Variants in GSE1 observed in about 807,000 individuals in gnomAD.
The protein encoded by GSE1 is Gse1 coiled-coil protein.
Under a neutral mutation model 112.6 loss-of-function variants are expected in GSE1, and 32 were observed. The observed-to-expected ratio is 0.28, with a 90% CI of 0.21 to 0.38. The LOEUF (loss-of-function observed/expected upper bound fraction) is 0.38. Among genes scored for constraint, GSE1 ranks in the 10% least tolerant of loss-of-function variants. The pLI is 1.00. For missense variants in GSE1, 2,348 were observed against 1,699.2 expected (o/e 1.38, Z -6.71); for synonymous variants, 1,115 against 735.6 (o/e 1.52, Z -8.35).
intron 2 of GSE1, among the ~76,000 whole-genome samples, chr16:85,485,396 T>TGTC (rs2050801219): frequency 1.3e-5 from 2 of 152,198 alleles, no homozygotes; most frequent in South Asian, 4.1e-4. Context: ...TGGGGAGCCC[T>TGTC]GTCCTCCTCC....
chr16:85,319,857 C>T (rs1024072507), intron 1 of GSE1, among the ~76,000 whole-genome samples: 1 of 152,154 alleles, frequency 6.6e-6, no homozygotes, highest in Non-Finnish European at 1.5e-5. Flanking sequence ...ACTGAAGTGC[C>T]GTTTGAGGCA....
At chr16:85,457,945 T>C (rs1196478967) in intron 2 of GSE1, among the ~76,000 whole-genome samples, 2 of 152,218 alleles carry the variant, frequency 1.3e-5, no homozygotes, top group African/African-American at 4.8e-5. Flanking sequence ...GTGTGTAATT[T>C]TCATACCTTC....
intron 1 of GSE1, among the ~76,000 whole-genome samples, chr16:85,221,917 G>A (rs75369628): frequency 0.011 from 1,715 of 152,246 alleles, 39 homozygotes; most frequent in African/African-American, 0.04. Context: ...ATCTGAGGGA[G>A]TTGACTCAGC....
chr16:85,181,458 C>T (rs535162531), intron 1 of GSE1, among the ~76,000 whole-genome samples: 6 of 152,296 alleles, frequency 3.9e-5, no homozygotes, highest in South Asian at 2.1e-4. Context: ...TTCTGGGAGG[C>T]GATGCAGCCC....
chr16:85,361,392 A>AACACACAG (rs2047078246), intron 2 of GSE1, among the ~76,000 whole-genome samples: 1 of 147,336 alleles, frequency 6.8e-6, no homozygotes, highest in Admixed American at 6.8e-5. Flanking sequence ...CCCACACACA[A>AACACACAG]ACACACAGAC....
chr16:85,308,057 G>T (rs1175875342), intron 1 of GSE1, among the ~76,000 whole-genome samples: 1 of 152,202 alleles, frequency 6.6e-6, no homozygotes, highest in African/African-American at 2.4e-5. Context: ...CACCAGGCAG[G>T]AGGGAGGTCA....
intron 2 of GSE1, among the ~76,000 whole-genome samples, chr16:85,363,932 G>T (rs1239195284): frequency 1.3e-5 from 2 of 152,224 alleles, no homozygotes; most frequent in Non-Finnish European, 2.9e-5. Flanking sequence ...GATCACCATG[G>T]CAGGGGCTTA....
chr16:85,621,294 C>A (rs2048726544), intron 1 of GSE1, among the ~76,000 whole-genome samples: 1 of 152,180 alleles, frequency 6.6e-6, no homozygotes, highest in Non-Finnish European at 1.5e-5. Context: ...TTTAGATGGT[C>A]TTGGCCTTGG....
At chr16:85,544,671 C>T (rs1486738901) in intron 2 of GSE1, among the ~76,000 whole-genome samples, 2 of 152,212 alleles carry the variant, frequency 1.3e-5, no homozygotes, top group Non-Finnish European at 2.9e-5. Flanking sequence ...CAGTTAGGCC[C>T]AGGAGGAGAC....
chr16:85,276,692 C>T (rs781535782), intron 1 of GSE1, among the ~76,000 whole-genome samples: 10 of 152,158 alleles, frequency 6.6e-5, no homozygotes, highest in South Asian at 2.1e-4. Flanking sequence ...GGACCCACCA[C>T]GCTGCTCTCA....
intron 1 of GSE1, among the ~76,000 whole-genome samples, chr16:85,230,343 G>A (rs544893088): frequency 6.6e-6 from 1 of 152,128 alleles, no homozygotes; most frequent in Non-Finnish European, 1.5e-5. Flanking sequence ...CTTCTAGAAG[G>A]TTCTAAATCA....
intron 1 of GSE1, among the ~76,000 whole-genome samples, chr16:85,202,700 T>C (rs1401077951): frequency 6.6e-6 from 1 of 152,174 alleles, no homozygotes; most frequent in African/African-American, 2.4e-5. Context: ...GGAGGGGCCC[T>C]GGGGGGCCTC....
intron 1 of GSE1, among the ~76,000 whole-genome samples, chr16:85,227,494 C>T (rs142800158): frequency 3.3e-5 from 5 of 152,282 alleles, no homozygotes; most frequent in African/African-American, 7.2e-5. Flanking sequence ...AGATAAAGGG[C>T]GATCCAGGTA....
At chr16:85,183,972 C>A (rs866234874) in intron 1 of GSE1, among the ~76,000 whole-genome samples, 2 of 152,180 alleles carry the variant, frequency 1.3e-5, no homozygotes, top group African/African-American at 4.8e-5. Flanking sequence ...AGTAAAAACT[C>A]GGTAATTGTT....
At chr16:85,371,355 C>G (rs575645335) in intron 2 of GSE1, among the ~76,000 whole-genome samples, 2 of 152,314 alleles carry the variant, frequency 1.3e-5, no homozygotes, top group South Asian at 2.1e-4. Context: ...CCCAGACTTC[C>G]AGGACAGAAG....
chr16:85,183,625 C>T (rs1000083523), intron 1 of GSE1, among the ~76,000 whole-genome samples: 2 of 152,232 alleles, frequency 1.3e-5, no homozygotes, highest in Non-Finnish European at 2.9e-5. Context: ...TGCACTTGTC[C>T]TTCTCTGTTG....
At chr16:85,219,011 C>T (rs1468258827) in intron 1 of GSE1, among the ~76,000 whole-genome samples, 1 of 152,126 alleles carries the variant, frequency 6.6e-6, no homozygotes, top group African/African-American at 2.4e-5. Context: ...TCCCGAGTAG[C>T]TGGGACTACA....
At chr16:85,574,594 A>AGGTCATTCCTTTCTGGGCCTC (rs2046143564) in intron 1 of GSE1, among the ~76,000 whole-genome samples, 1 of 152,174 alleles carries the variant, frequency 6.6e-6, no homozygotes, top group Non-Finnish European at 1.5e-5. Flanking sequence ...TTCTGGGCCT[A>AGGTCATTCCTTTCTGGGCCTC]GGTCATTCCT....
At chr16:85,606,615 A>G (rs926658230), upstream of GSE1, among the ~76,000 whole-genome samples, 3 of 152,230 alleles carry the variant, frequency 2.0e-5, no homozygotes, top group Admixed American at 6.5e-5. Context: ...GGTTGTGGAC[A>G]GCAGTTGAGC....
Sources: allele counts gnomAD v4.1 joint callset (sites outside exome capture counted in the v4.1 genomes callset), GRCh38; gene constraint gnomAD v4.1.1; transcripts MANE v1.5; gene names NCBI Gene and HGNC (gene_info 2026-07-23, HGNC 2026-07-21).